Variants in MYO1D observed in about 807,000 individuals in gnomAD.
The protein encoded by MYO1D is unconventional myosin-Id.
A neutral mutation model predicts 122.0 loss-of-function variants in MYO1D; 83 were observed. That is an observed-to-expected ratio of 0.68 (90% CI 0.57 to 0.82). MYO1D has a LOEUF of 0.82. MYO1D is among the 40% of genes least tolerant of loss of function. The pLI is 0.00. For synonymous variants in MYO1D, 464 were observed against 446.9 expected, an observed-to-expected ratio of 1.04 and a Z score of -0.48; for missense variants, 1,157 against 1,269.5, an observed-to-expected ratio of 0.91 and a Z score of 1.35.
intron 21 of MYO1D, among the ~76,000 whole-genome samples, chr17:32,534,181 T>C (rs1910592047): frequency 6.6e-6 from 1 of 152,226 alleles, no homozygotes; most frequent in Non-Finnish European, 1.5e-5. Flanking sequence ...AATTAATTAA[T>C]TTAGAGATGG....
Position 32,780,591 on chromosome 17 carries a change from A to G in MYO1D, c.289T>C (p.Cys97Arg), listed in dbSNP as rs754127607. Residue 97 changes from cysteine to arginine, a missense_variant, in exon 2 of 22, where the codon TGT (cysteine) becomes CGT (arginine). Coordinates refer to ENST00000318217, the MANE Select transcript of MYO1D (RefSeq NM_015194.3). ...CTCCAATTACCTGATATCACAATAC[A>G]AGTGTCTTTTGATCGCCTCTTCATA... ...KAMKRRSKDTCIVISGESGAG... is the reference protein window; with the variant it reads ...KAMKRRSKDTRIVISGESGAG... The G allele has an allele frequency of 6.2e-7, 1 of 1,613,970 alleles. No homozygotes were observed. Among genetic ancestry groups the G allele is most frequent in the Non-Finnish European group, 8.5e-7 (1 of 1,179,996 alleles).
chr17:32,787,512 G>A (rs1227658087), intron 1 of MYO1D, among the ~76,000 whole-genome samples: 1 of 151,716 alleles, frequency 6.6e-6, no homozygotes, highest in Non-Finnish European at 1.5e-5. Flanking sequence ...TCCACCTCCT[G>A]GGTTCAAGCG....
At chr17:32,802,691 T>C (rs2090470625) in intron 1 of MYO1D, among the ~76,000 whole-genome samples, 1 of 152,242 alleles carries the variant, frequency 6.6e-6, no homozygotes, top group South Asian at 2.1e-4. Context: ...GTTAATGTTT[T>C]CAAATTTGTC....
chr17:32,859,566 A>T (rs945785918), intron 1 of MYO1D, among the ~76,000 whole-genome samples: 1 of 152,218 alleles, frequency 6.6e-6, no homozygotes, highest in African/African-American at 2.4e-5. Flanking sequence ...GAAGAAAAGG[A>T]GCAGAAAGAT....
At chr17:32,646,085 T>C (rs1405619840) in intron 19 of MYO1D, among the ~76,000 whole-genome samples, 1 of 152,216 alleles carries the variant, frequency 6.6e-6, no homozygotes, top group Non-Finnish European at 1.5e-5. Flanking sequence ...GGTTTTGGTG[T>C]GGAAGTCCTT....
At chr17:32,628,359 T>C (rs1000322483) in intron 20 of MYO1D, among the ~76,000 whole-genome samples, 17 of 152,336 alleles carry the variant, frequency 1.1e-4, no homozygotes, top group African/African-American at 4.1e-4. Flanking sequence ...ATGTTTCATG[T>C]TGTTTACAAT....
chr17:32,826,468 T>C (rs1455765525), intron 1 of MYO1D, among the ~76,000 whole-genome samples: 1 of 152,258 alleles, frequency 6.6e-6, no homozygotes, highest in African/African-American at 2.4e-5. Flanking sequence ...AAATATTTAG[T>C]TGCAAATGAG....
chr17:32,538,647 G>T lies in MYO1D; in HGVS notation c.2865-43732C>A, dbSNP rs543820506. ...AAAGGTCAATAGATGATGTCCACAT[G>T]TATGTTCACTGCAGTACTATTCACA... On this transcript the variant is annotated intron_variant, in intron 21 of 21. Coordinates refer to ENST00000318217, the MANE Select transcript of MYO1D (RefSeq NM_015194.3). 3.3e-5 allele frequency among the ~76,000 whole-genome samples: 5 copies of T among 152,022 alleles called. No homozygotes were observed. In the South Asian group the frequency reaches 1.0e-3, roughly 32 times the overall value.
intron 21 of MYO1D, among the ~76,000 whole-genome samples, chr17:32,506,417 C>T (rs775982922): frequency 6.6e-6 from 1 of 151,976 alleles, no homozygotes; most frequent in Admixed American, 6.6e-5. Context: ...GAACTTGAGG[C>T]TCCCTTCAGG....
chr17:32,796,434 G>C (rs2090417759), intron 1 of MYO1D, among the ~76,000 whole-genome samples: 1 of 151,150 alleles, frequency 6.6e-6, no homozygotes, highest in South Asian at 2.1e-4. Context: ...TTTTTTTTGA[G>C]ACTGTCTCAC....
intron 19 of MYO1D, among the ~76,000 whole-genome samples, chr17:32,648,382 G>A (rs2088330198): frequency 6.6e-6 from 1 of 152,172 alleles, no homozygotes; most frequent in South Asian, 2.1e-4. Context: ...GATTTTATGA[G>A]TGATAGAGGT....
At chr17:32,662,918 CTTT>C (rs66842883) in intron 16 of MYO1D, among the ~76,000 whole-genome samples, 46 of 118,702 alleles carry the variant, frequency 3.9e-4, no homozygotes, top group Non-Finnish European at 3.3e-4. Flanking sequence ...ACTTTCTTTT[CTTT>C]TTTTTTTTTT....
intron 21 of MYO1D, among the ~76,000 whole-genome samples, chr17:32,573,070 T>C (rs1279019503): frequency 3.2e-5 from 4 of 123,102 alleles, no homozygotes; most frequent in African/African-American, 1.0e-4. Context: ...TACAAGGCAT[T>C]GAAAAAATAC....
At chr17:32,721,444 G>T (rs1009039209) in intron 14 of MYO1D, among the ~76,000 whole-genome samples, 3 of 152,124 alleles carry the variant, frequency 2.0e-5, no homozygotes, top group African/African-American at 4.8e-5. Context: ...GATAAAACTA[G>T]GAAGTAAATA....
At chr17:32,563,302 C>T (rs1205942216) in intron 21 of MYO1D, among the ~76,000 whole-genome samples, 8 of 150,604 alleles carry the variant, frequency 5.3e-5, no homozygotes, top group South Asian at 2.1e-4. Context: ...CTCCGTCTCC[C>T]GGGTTCCAGC....
intron 20 of MYO1D, among the ~76,000 whole-genome samples, chr17:32,631,708 T>C (rs1052530726): frequency 3.3e-5 from 5 of 152,128 alleles, no homozygotes; most frequent in Admixed American, 3.3e-4. Flanking sequence ...GAATATTAGA[T>C]GATATTATGG....
chr17:32,773,655 C>A (rs914116731), intron 4 of MYO1D, among the ~76,000 whole-genome samples: 7 of 151,804 alleles, frequency 4.6e-5, no homozygotes, highest in Non-Finnish European at 7.4e-5. Context: ...TTCTCAAGAA[C>A]TTAAAACCTC....
intron 16 of MYO1D, among the ~76,000 whole-genome samples, chr17:32,710,802 C>T (rs1208627717): frequency 6.6e-6 from 1 of 151,990 alleles, no homozygotes; most frequent in Non-Finnish European, 1.5e-5. Flanking sequence ...ATACAGCAAG[C>T]AAAGAAGCAT....
chr17:32,539,477 A>G (rs1387566581), intron 21 of MYO1D, among the ~76,000 whole-genome samples: 1 of 152,172 alleles, frequency 6.6e-6, no homozygotes, highest in East Asian at 1.9e-4. Flanking sequence ...TCTGGAGTCC[A>G]AAAGTCTGAA....
Sources: allele counts gnomAD v4.1 joint callset (sites outside exome capture counted in the v4.1 genomes callset), GRCh38; gene constraint gnomAD v4.1.1; transcripts MANE v1.5; gene names NCBI Gene and HGNC (gene_info 2026-07-23, HGNC 2026-07-21).